BTLA: variants seen among roughly 807,000 people sequenced by gnomAD.
The protein encoded by BTLA is B and T lymphocyte associated.
A neutral mutation model predicts 25.0 loss-of-function variants in BTLA; 11 were observed. The ratio of observed to expected loss-of-function variants is 0.44; its 90% CI spans 0.28 to 0.73. The LOEUF (loss-of-function observed/expected upper bound fraction) is 0.73. Among genes scored for constraint, BTLA ranks in the 30% least tolerant of loss-of-function variants. The pLI is 0.15. For missense variants in BTLA, 282 were observed against 332.8 expected (o/e 0.85, Z 1.19); for synonymous variants, 104 against 119.8 (o/e 0.87, Z 0.86).
At chr3:112,476,386 G>C (rs2082288712) in intron 2 of BTLA, among the ~76,000 whole-genome samples, 2 of 151,998 alleles carry the variant, frequency 1.3e-5, no homozygotes. Context: ...TCCTTCACTG[G>C]GCTACTTTAA....
At chr3:112,493,718 T>G (rs1576693270) in intron 1 of BTLA, among the ~76,000 whole-genome samples, 1 of 152,322 alleles carries the variant, frequency 6.6e-6, no homozygotes, top group East Asian at 1.9e-4. Context: ...GCCAGACTGC[T>G]CTTGAACTCC....
chr3:112,487,689 C>T (rs995787165), intron 1 of BTLA, among the ~76,000 whole-genome samples: 3 of 152,162 alleles, frequency 2.0e-5, no homozygotes, highest in Non-Finnish European at 4.4e-5. Context: ...CTGTCCTTGA[C>T]ACATTAGTAA....
chr3:112,479,768 C>A lies in BTLA; in HGVS notation c.90G>T (p.Gly30=). 6.3e-7 allele frequency: 1 copy of A among 1,575,722 alleles called. No homozygotes were observed. The change falls in exon 2 of 5, where the codon GGG becomes GGT. Residue 30 remains glycine, a splice_region_variant and synonymous_variant. Transcript: ENST00000334529. The part of the protein sequence containing the change: ...IPYLDIWNIH[G]KESCDVQLYI... ...AAAGCTGTACATCACATGATTCTTT[C>A]CCTAAAAGATAAAAACAAAACTAAA...
intron 2 of BTLA, among the ~76,000 whole-genome samples, chr3:112,475,695 T>C (rs1038178993): frequency 1.3e-5 from 2 of 152,160 alleles, no homozygotes; most frequent in Admixed American, 1.3e-4. Context: ...TAGAAGTAGA[T>C]TAGTTCCCAT....
Position 112,499,422 on chromosome 3 carries a change from G to T in BTLA, c.-64C>A. 1 of 1,436,456 alleles carries T rather than the reference G, an allele frequency of 7.0e-7. No individual in the cohort carries two copies. The highest frequency in any genetic ancestry group is 9.6e-7 in the Non-Finnish European group (1 of 1,040,312). 89.0% of individuals were successfully genotyped at this position (1,436,456 alleles called of 1,614,324 possible). ...GAAGGCTTTGCTTCGTCTTCTGAGT[G>T]CTGCAGAGTTGGGTCAGTTTACCTA... On this transcript the variant is annotated 5_prime_UTR_variant, in exon 1 of 5. Transcript: ENST00000334529.
intron 1 of BTLA, among the ~76,000 whole-genome samples, chr3:112,495,657 AAGAC>A (rs1487663024): frequency 2.0e-5 from 3 of 152,240 alleles, no homozygotes; most frequent in African/African-American, 7.2e-5. Context: ...CACTTGGCAG[AAGAC>A]AGAGCTCTAT....
chr3:112,477,126 T>C (rs1400965977), intron 2 of BTLA, among the ~76,000 whole-genome samples: 2 of 152,136 alleles, frequency 1.3e-5, no homozygotes, highest in African/African-American at 2.4e-5. Context: ...TTGTGAATAG[T>C]GCTGTGATAA....
Position 112,479,347 on chromosome 3 carries a change from G to A in BTLA, c.403+108C>T, listed in dbSNP as rs2082305403. On this transcript the variant is annotated intron_variant, in intron 2 of 4. Transcript: ENST00000334529. ...CTGTGAGGTGTAGCAGATTTCAGAT[G>A]TGCTATAGGAGTTGGCTTTCTAACA... 3.2e-5 allele frequency: 32 copies of A among 1,000,650 alleles called. No homozygotes were observed. The South Asian group carries it at 4.8e-4, about 15-fold the overall frequency. The allele number at this position is 1,000,650 out of a possible 1,614,324, so 62.0% of individuals were successfully genotyped here.
At chr3:112,467,182 G>A (rs1163565018) in intron 4 of BTLA, among the ~76,000 whole-genome samples, 2 of 151,940 alleles carry the variant, frequency 1.3e-5, no homozygotes, top group African/African-American at 2.4e-5. Context: ...GGATGGTCTC[G>A]ATCTCCTGAC....
At chr3:112,496,525 C>G (rs1276496060) in intron 1 of BTLA, among the ~76,000 whole-genome samples, 1 of 152,128 alleles carries the variant, frequency 6.6e-6, no homozygotes, top group Non-Finnish European at 1.5e-5. Context: ...CAAAGGCTAT[C>G]TTTAAACACT....
intron 1 of BTLA, among the ~76,000 whole-genome samples, chr3:112,489,349 G>A (rs1159999899): frequency 6.6e-6 from 1 of 151,136 alleles, no homozygotes; most frequent in East Asian, 1.9e-4. Flanking sequence ...AAACCAATCA[G>A]CCATTTAAAA....
intron 1 of BTLA, among the ~76,000 whole-genome samples, chr3:112,498,960 CAAG>C (rs1393477357): frequency 6.6e-6 from 1 of 152,156 alleles, no homozygotes; most frequent in Non-Finnish European, 1.5e-5. Flanking sequence ...AGCATTTTTG[CAAG>C]AAGTAGTGAT....
chr3:112,478,900 G>T (rs1576682646), intron 2 of BTLA, among the ~76,000 whole-genome samples: 1 of 152,032 alleles, frequency 6.6e-6, no homozygotes, highest in Admixed American at 6.6e-5. Context: ...CTCTTTCGGG[G>T]AACAGGGAAG....
At chr3:112,498,211 T>C (rs1193225552) in intron 1 of BTLA, among the ~76,000 whole-genome samples, 3 of 152,110 alleles carry the variant, frequency 2.0e-5, no homozygotes, top group Non-Finnish European at 2.9e-5. Context: ...GTAGGACAGA[T>C]GTTGGATAAT....
intron 1 of BTLA, among the ~76,000 whole-genome samples, chr3:112,494,434 A>G (rs941839532): frequency 3.3e-5 from 5 of 152,216 alleles, no homozygotes; most frequent in African/African-American, 9.6e-5. Flanking sequence ...AAATCATTCT[A>G]CTATAAAGAC....
At chr3:112,481,972 C>A (rs1359243130) in intron 1 of BTLA, among the ~76,000 whole-genome samples, 1 of 152,168 alleles carries the variant, frequency 6.6e-6, no homozygotes, top group Non-Finnish European at 1.5e-5. Context: ...AGTCCTAAGA[C>A]ATAGATACAT....
At chr3:112,492,174 C>T (rs1295389712) in intron 1 of BTLA, among the ~76,000 whole-genome samples, 1 of 152,194 alleles carries the variant, frequency 6.6e-6, no homozygotes, top group Admixed American at 6.5e-5. Context: ...CTCCTTAGAG[C>T]CCTGTCTACT....
At chr3:112,498,564 T>C (rs2082422920) in intron 1 of BTLA, among the ~76,000 whole-genome samples, 1 of 145,870 alleles carries the variant, frequency 6.9e-6, no homozygotes, top group South Asian at 2.1e-4. Flanking sequence ...AAAAAAGAAA[T>C]TGCCTTTTTT....
At chr3:112,487,403 G>A (rs2082354291) in intron 1 of BTLA, among the ~76,000 whole-genome samples, 1 of 152,132 alleles carries the variant, frequency 6.6e-6, no homozygotes, top group African/African-American at 2.4e-5. Flanking sequence ...TAACCAACAT[G>A]GAGAAACCCT....
Sources: allele counts gnomAD v4.1 joint callset (sites outside exome capture counted in the v4.1 genomes callset), GRCh38; gene constraint gnomAD v4.1.1; transcripts MANE v1.5; gene names NCBI Gene and HGNC (gene_info 2026-07-23, HGNC 2026-07-21).